The following MED27 variants were observed in gnomAD, a reference collection of about 807,000 sequenced individuals.
The protein encoded by MED27 is mediator of RNA polymerase II transcription subunit 27.
In MED27, 30 loss-of-function variants were observed where a neutral mutation model predicts 38.2. The observed-to-expected ratio is 0.79, with a 90% CI of 0.59 to 1.07. The LOEUF (loss-of-function observed/expected upper bound fraction) is 1.07. Ranked by LOEUF, MED27 falls within the 50% of genes least tolerant of loss-of-function variation. The probability of loss-of-function intolerance (pLI) is 0.00; values close to 1 mark genes in which losing one functional copy is unlikely to be tolerated. For missense variants in MED27, 289 were observed against 397.5 expected (o/e 0.73, Z 2.32); for synonymous variants, 122 against 153.5 (o/e 0.79, Z 1.52).
intron 3 of MED27, among the ~76,000 whole-genome samples, chr9:131,986,999 ATTTTTTTTTTT>A (rs66519112): frequency 0.025 from 1,146 of 46,316 alleles, 24 homozygotes; most frequent in Middle Eastern, 0.068. Flanking sequence ...GAGTTCATGG[ATTTTTTTTTTT>A]TTTTTTTTTT....
At chr9:131,894,886 A>C (rs1589191600) in intron 4 of MED27, among the ~76,000 whole-genome samples, 1 of 152,074 alleles carries the variant, frequency 6.6e-6, no homozygotes, top group Non-Finnish European at 1.5e-5. Context: ...TTCATTCTCG[A>C]CATACTGTGT....
rs1022183261 is a variant in MED27, at chr9:131,862,335, AGAGCATGCGGCCGTGT to A, written c.801+712_801+727del. On this transcript the variant is annotated intron_variant, in intron 7 of 7. Coordinates refer to ENST00000292035, the MANE Select transcript of MED27 (RefSeq NM_004269.4). This position sits in a 1 kb window ranked among gnomAD's most constrained non-coding sequence, Gnocchi z 4.6. ...GTGGATGATGGGGTCTGCTGGCGTG[AGAGCATGCGGCCGTGT>A]GAGCATGCTGGCGTGAGAGCATGAC... Among the ~76,000 whole-genome samples the A allele has an allele frequency of 2.8e-4, 43 of 152,128 alleles. No individual in the cohort carries two copies. Among genetic ancestry groups the A allele is most frequent in the African/African-American group, 1.0e-3 (42 of 41,418 alleles).
chr9:132,041,010 A>AAC (rs1188311521), intron 2 of MED27, among the ~76,000 whole-genome samples: 6 of 152,236 alleles, frequency 3.9e-5, no homozygotes, highest in Non-Finnish European at 5.9e-5. Flanking sequence ...GAAGCAGTGC[A>AAC]ACACAGCAGC....
intron 2 of MED27, among the ~76,000 whole-genome samples, chr9:132,069,896 T>G (rs1432192777): frequency 6.6e-6 from 1 of 152,218 alleles, no homozygotes; most frequent in Non-Finnish European, 1.5e-5. Flanking sequence ...GTCAGAGTTC[T>G]CCTGACTGCA....
intron 3 of MED27, among the ~76,000 whole-genome samples, chr9:131,962,666 T>C (rs1831241374): frequency 6.6e-6 from 1 of 152,226 alleles, no homozygotes; most frequent in Non-Finnish European, 1.5e-5. Flanking sequence ...AAGCTTGATC[T>C]ATTTTCAAAC....
At chr9:131,904,736 A>C (rs1048157681) in intron 4 of MED27, among the ~76,000 whole-genome samples, 1 of 152,194 alleles carries the variant, frequency 6.6e-6, no homozygotes, top group African/African-American at 2.4e-5. Flanking sequence ...ATCAATGTTA[A>C]CAAGTTGGGC....
At position 131,903,252 on chromosome 9, in the gene MED27, A is replaced by G. The variant is rs1248659847; in HGVS notation, c.574-9260T>C. Among the ~76,000 whole-genome samples, 3 of 152,202 alleles carry G rather than the reference A, an allele frequency of 2.0e-5. No individual in the cohort carries two copies. The East Asian group carries it at 5.8e-4, about 29-fold the overall frequency. ...CATCTTATGTGGATGGCAGCAGGCA[A>G]AGAGAGAGCTTGTGCAGAGAACACC... On this transcript the variant is annotated intron_variant, in intron 4 of 7. Coordinates refer to ENST00000292035, the MANE Select transcript of MED27 (RefSeq NM_004269.4).
At chr9:131,976,611 G>A (rs548214953) in intron 3 of MED27, among the ~76,000 whole-genome samples, 2 of 152,308 alleles carry the variant, frequency 1.3e-5, no homozygotes, top group South Asian at 4.1e-4. Flanking sequence ...AATACTGCCA[G>A]GAAAAGGCAG....
At position 132,079,650 on chromosome 9, in the gene MED27, C is replaced by A. The variant is rs774867191; in HGVS notation, c.195G>T (p.Arg65=). Residue 65 remains arginine (R), a synonymous_variant, in exon 1 of 8, where the codon CGG becomes CGT. Transcript: ENST00000292035. ...CTTCAGCCGGTACCTACTTGAGGTC[C>A]CGGTTGACCGAATGTAAGTTGTCCT... ...HFQDNLHSVN[R]DLNELERLSN... The A allele has an allele frequency of 6.2e-7, 1 of 1,612,418 alleles. No individual in the cohort carries two copies. Among genetic ancestry groups the A allele is most frequent in the East Asian group, 2.2e-5 (1 of 44,850 alleles).
intron 2 of MED27, among the ~76,000 whole-genome samples, chr9:132,060,821 T>C (rs762880903): frequency 6.6e-6 from 1 of 152,026 alleles, no homozygotes; most frequent in Non-Finnish European, 1.5e-5. Flanking sequence ...TGGTGGCAGG[T>C]GCCTGTAATC....
At chr9:132,031,117 T>C (rs966341183) in intron 2 of MED27, among the ~76,000 whole-genome samples, 2 of 152,218 alleles carry the variant, frequency 1.3e-5, no homozygotes, top group Admixed American at 6.5e-5. Flanking sequence ...ATAAAACAGA[T>C]GGACTGGTTA....
At chr9:132,002,968 C>T (rs1378017816) in intron 3 of MED27, among the ~76,000 whole-genome samples, 1 of 150,448 alleles carries the variant, frequency 6.6e-6, no homozygotes, top group Non-Finnish European at 1.5e-5. Flanking sequence ...AATTACTTTC[C>T]ATTCCAAGAA....
Position 131,870,886 on chromosome 9 carries a change from G to A in MED27, c.724-7746C>T, listed in dbSNP as rs574289844. Among the ~76,000 whole-genome samples, 323 of 152,344 alleles carry A rather than the reference G, an allele frequency of 2.1e-3. 1 individual carries two copies. The highest frequency in any genetic ancestry group is 7.4e-3 in the African/African-American group (308 of 41,582). On this transcript the variant is annotated intron_variant, in intron 6 of 7. Coordinates refer to ENST00000292035, the MANE Select transcript of MED27 (RefSeq NM_004269.4). ...CTCCAAACGGTCTGACAGAGACACC[G>A]GTGGGCCCTCAAGAAGACCTCCAGA...
chr9:132,035,300 T>C (rs1833050012), intron 2 of MED27, among the ~76,000 whole-genome samples: 1 of 152,106 alleles, frequency 6.6e-6, no homozygotes, highest in Non-Finnish European at 1.5e-5. Context: ...TATTAATACA[T>C]CCTGAGTCAA....
chr9:132,071,107 C>A (rs1397125709), intron 2 of MED27, among the ~76,000 whole-genome samples: 1 of 152,178 alleles, frequency 6.6e-6, no homozygotes, highest in Non-Finnish European at 1.5e-5. Flanking sequence ...AAGTGCTTTA[C>A]TTGTATCACC....
At position 131,917,463 on chromosome 9, in the gene MED27, G is replaced by A. The variant is rs1251268444; in HGVS notation, c.573+21918C>T. 2.6e-5 allele frequency among the ~76,000 whole-genome samples: 4 copies of A among 152,098 alleles called. No homozygotes were observed. The highest frequency in any genetic ancestry group is 9.7e-5 in the African/African-American group (4 of 41,398). ...TGATGAGTCCAGTGTGGAAGATGAG[G>A]GGAGGCAGAGTGTTTCAAAGCAGGT... On this transcript the variant is annotated intron_variant, in intron 4 of 7. Transcript: ENST00000292035. The surrounding 1 kb of genome is among the most constrained non-coding windows in gnomAD (Gnocchi z 4.6).
At chr9:131,987,874 G>A (rs1036264564) in intron 3 of MED27, among the ~76,000 whole-genome samples, 3 of 152,174 alleles carry the variant, frequency 2.0e-5, no homozygotes, top group Non-Finnish European at 4.4e-5. Context: ...GATGGCCCCC[G>A]GTTCCTCTCT....
At chr9:131,871,127 A>T (rs1219904146) in intron 6 of MED27, among the ~76,000 whole-genome samples, 1 of 152,178 alleles carries the variant, frequency 6.6e-6, no homozygotes, top group African/African-American at 2.4e-5. Context: ...TCCTACTGTG[A>T]GCCCTGGATC....
rs570941076 is a variant in MED27, at chr9:131,861,505, A to G, written c.802-833T>C. Reference sequence around the variant, plus strand: ...ATACACATTCTTCCATCTTCACCACAGCTGCCTTCATGGTGACAGGGCATG... The same window carrying G: ...ATACACATTCTTCCATCTTCACCACGGCTGCCTTCATGGTGACAGGGCATG... On this transcript the variant is annotated intron_variant, in intron 7 of 7. Transcript: ENST00000292035. This position sits in a 1 kb window ranked among gnomAD's most constrained non-coding sequence, Gnocchi z 4.4. Among the ~76,000 whole-genome samples, 8 of 152,220 alleles carry G rather than the reference A, an allele frequency of 5.3e-5. No individual in the cohort carries two copies. The highest frequency in any genetic ancestry group is 8.8e-5 in the Non-Finnish European group (6 of 68,040).
Sources: gnomAD v4.1 joint callset for allele counts (sites outside exome capture counted in the v4.1 genomes callset) on GRCh38, gnomAD v4.1.1 for gene constraint, Gnocchi (gnomAD v3.1) non-coding constraint, MANE v1.5 for transcripts, NCBI Gene and HGNC (gene_info 2026-07-23, HGNC 2026-07-21) for gene names.